Variants in ARHGAP15 observed in about 807,000 individuals in gnomAD.
ARHGAP15 encodes the protein rho GTPase-activating protein 15.
ARHGAP15 carries 51 observed loss-of-function variants against 63.7 expected under a neutral mutation model. The observed-to-expected ratio is 0.80, with a 90% confidence interval of 0.64 to 1.01. The LOEUF (loss-of-function observed/expected upper bound fraction) is 1.01, where lower values mean the gene tolerates loss of function less well. Ranked by LOEUF, ARHGAP15 falls within the 50% of genes least tolerant of loss-of-function variation. ARHGAP15 has a pLI of 0.00. For synonymous variants in ARHGAP15, 191 were observed against 193.8 expected (o/e 0.99, Z 0.12); for missense variants, 560 against 564.6 (o/e 0.99, Z 0.08).
chr2:143,683,119 A>G (rs1683181094), intron 12 of ARHGAP15, among the ~76,000 whole-genome samples: 1 of 152,208 alleles, frequency 6.6e-6, no homozygotes, highest in Admixed American at 6.5e-5. Context: ...GATAAAAAAC[A>G]GGTTGTAAGG....
intron 1 of ARHGAP15, 118 bp from the exon 2 acceptor site, chr2:143,155,359 G>A: frequency 1.0e-6 from 1 of 971,552 alleles, no homozygotes; most frequent in Non-Finnish European, 1.5e-6. Flanking sequence ...AGTCAGAGAG[G>A]TGAAGACTCT....
chr2:143,519,146 C>T (rs775273862), intron 9 of ARHGAP15, 120 bp from the exon 10 acceptor site: 13 of 640,806 alleles, frequency 2.0e-5, no homozygotes, highest in Non-Finnish European at 3.2e-5. Flanking sequence ...GGAAATAAAG[C>T]AAAAAAAAAA....
chr2:143,407,246 T>C (rs983156196), intron 6 of ARHGAP15, among the ~76,000 whole-genome samples: 12 of 151,538 alleles, frequency 7.9e-5, no homozygotes, highest in Non-Finnish European at 1.6e-4. Context: ...TTGATAGATA[T>C]CTCTCTCTCT....
chr2:143,399,868 C>T lies in ARHGAP15; in HGVS notation c.475-35733C>T, dbSNP rs1461556860. Among the ~76,000 whole-genome samples, 4 of 152,002 alleles carry T rather than the reference C, an allele frequency of 2.6e-5. 1 individual carries two copies. Among genetic ancestry groups the T allele is most frequent in the Non-Finnish European group, 4.4e-5 (3 of 67,976 alleles). On this transcript the variant is annotated intron_variant, in intron 6 of 13. Coordinates refer to ENST00000295095, the MANE Select transcript of ARHGAP15 (RefSeq NM_018460.4). The stretch of plus-strand genomic sequence containing the variant: ...GGGAAGATGATCTTGAAATCTCCTT[C>T]CAACTTCAAAATGTGATGTTGAAAT...
At chr2:143,678,873 AT>A (rs1200257930) in intron 12 of ARHGAP15, among the ~76,000 whole-genome samples, 1 of 152,204 alleles carries the variant, frequency 6.6e-6, no homozygotes, top group African/African-American at 2.4e-5. Flanking sequence ...ATACTTAAAT[AT>A]ATTTAGCTTT....
chr2:143,684,750 T>C lies in ARHGAP15; in HGVS notation c.1139-18669T>C, dbSNP rs181714148. 2.6e-4 allele frequency among the ~76,000 whole-genome samples: 40 copies of C among 152,330 alleles called. No individual in the cohort carries two copies. In the East Asian group the frequency reaches 7.0e-3, roughly 26 times the overall value. ...TTTAAGATTCCCATCAAATTTCGTT[T>C]TTATAGAGAAATCTCTGAAAGCAGT... On this transcript the variant is annotated intron_variant, in intron 12 of 13. Transcript: ENST00000295095.
intron 11 of ARHGAP15, among the ~76,000 whole-genome samples, chr2:143,622,781 TAAA>T (rs34925907): frequency 0.41 from 44,300 of 109,108 alleles, 8,687 homozygotes; most frequent in Middle Eastern, 0.51. Flanking sequence ...TTCATTTATT[TAAA>T]AAAAAAAAAA....
intron 11 of ARHGAP15, among the ~76,000 whole-genome samples, chr2:143,615,197 G>T (rs557446140): frequency 3.9e-5 from 6 of 152,202 alleles, no homozygotes; most frequent in African/African-American, 1.2e-4. Context: ...CTTCATTTTG[G>T]TTGTCTTAAT....
At chr2:143,472,477 A>G (rs1220996956) in intron 8 of ARHGAP15, among the ~76,000 whole-genome samples, 1 of 152,140 alleles carries the variant, frequency 6.6e-6, no homozygotes, top group Non-Finnish European at 1.5e-5. Context: ...GGCTCTTCCT[A>G]TTCAATATGA....
chr2:143,197,477 T>G (rs1474301728), intron 2 of ARHGAP15, among the ~76,000 whole-genome samples: 4 of 152,032 alleles, frequency 2.6e-5, no homozygotes, highest in African/African-American at 9.7e-5. Context: ...GATAAGATTT[T>G]GGTTGACCCA....
chr2:143,435,437 G>T, intron 6 of ARHGAP15, 164 bp from the exon 7 acceptor site: 1 of 1,204,890 alleles, frequency 8.3e-7, no homozygotes, highest in South Asian at 2.0e-5. Flanking sequence ...TATAGAGAGC[G>T]GTTCAAAATG....
chr2:143,309,591 G>T (rs1187588050), intron 6 of ARHGAP15, among the ~76,000 whole-genome samples: 1 of 152,008 alleles, frequency 6.6e-6, no homozygotes, highest in Non-Finnish European at 1.5e-5. Flanking sequence ...GGCTAAGGAG[G>T]GTTAGTTGAT....
chr2:143,430,157 TAAG>T (rs975834125), intron 6 of ARHGAP15, among the ~76,000 whole-genome samples: 1 of 149,212 alleles, frequency 6.7e-6, no homozygotes, highest in African/African-American at 2.5e-5. Context: ...TGCATTTTAA[TAAG>T]AGAGTTGCCA....
intron 13 of ARHGAP15, among the ~76,000 whole-genome samples, chr2:143,755,926 A>G (rs1686559889): frequency 6.6e-6 from 1 of 152,080 alleles, no homozygotes; most frequent in Admixed American, 6.6e-5. Context: ...AGATCTTGCC[A>G]CTGCACTCCA....
At chr2:143,330,121 A>AAAAAAC (rs1684465965) in intron 6 of ARHGAP15, among the ~76,000 whole-genome samples, 1 of 87,264 alleles carries the variant, frequency 1.1e-5, no homozygotes, top group African/African-American at 4.7e-5. Flanking sequence ...AAAAAAAAAA[A>AAAAAAC]AAAAAAAAAA....
At chr2:143,593,731 A>C (rs892998273) in intron 11 of ARHGAP15, among the ~76,000 whole-genome samples, 5 of 152,218 alleles carry the variant, frequency 3.3e-5, no homozygotes, top group African/African-American at 1.2e-4. Context: ...AGATAAAACT[A>C]TTTATTGAGT....
At chr2:143,506,432 C>A (rs1187803624) in intron 9 of ARHGAP15, among the ~76,000 whole-genome samples, 1 of 151,202 alleles carries the variant, frequency 6.6e-6, no homozygotes, top group Non-Finnish European at 1.5e-5. Context: ...TAAGTGACAA[C>A]CTAATTGATA....
intron 8 of ARHGAP15, among the ~76,000 whole-genome samples, chr2:143,464,476 C>T (rs984245547): frequency 6.6e-6 from 1 of 152,092 alleles, no homozygotes; most frequent in Admixed American, 6.6e-5. Context: ...ACATGGCAAA[C>T]ATTGCCTTAA....
intron 11 of ARHGAP15, among the ~76,000 whole-genome samples, chr2:143,569,760 G>T (rs1394629753): frequency 1.3e-5 from 2 of 152,164 alleles, no homozygotes; most frequent in Non-Finnish European, 2.9e-5. Flanking sequence ...AGAATGAATT[G>T]TAGGGGGAAA....
Sources: gnomAD v4.1 joint callset for allele counts (sites outside exome capture counted in the v4.1 genomes callset) on GRCh38, gnomAD v4.1.1 for gene constraint, MANE v1.5 for transcripts, NCBI Gene and HGNC (gene_info 2026-07-23, HGNC 2026-07-21) for gene names.